TMC5: variants seen among roughly 807,000 people sequenced by gnomAD.
TMC5 encodes transmembrane channel-like protein 5.
TMC5 carries 86 observed loss-of-function variants against 110.5 expected under a neutral mutation model. The ratio of observed to expected loss-of-function variants is 0.78; its 90% confidence interval spans 0.65 to 0.93. The LOEUF is 0.93. TMC5 is among the 40% of genes least tolerant of loss of function. The probability of loss-of-function intolerance (pLI) is 0.00; values close to 1 mark genes in which losing one functional copy is unlikely to be tolerated. For missense variants in TMC5, 1,144 were observed against 1,222.8 expected, an observed-to-expected ratio of 0.94 and a Z score of 0.96; for synonymous variants, 455 against 439.5, an observed-to-expected ratio of 1.04 and a Z score of -0.44.
chr16:19,498,186 G>A lies in TMC5; in HGVS notation c.*220G>A, dbSNP rs1483899004. ...TGATTTTTCAAGACAAAATACTTGG[G>A]GTTTTCCAATAAAGATTGTTGTAAT... On this transcript the variant is annotated 3_prime_UTR_variant, in exon 22 of 22. Coordinates refer to ENST00000542583, the MANE Select transcript of TMC5 (RefSeq NM_001261841.2). 3.7e-6 allele frequency: 2 copies of A among 544,832 alleles called. No individual in the cohort carries two copies. Among genetic ancestry groups the A allele is most frequent in the Non-Finnish European group, 6.5e-6 (2 of 306,804 alleles). The allele number at this position is 544,832 out of a possible 1,614,324, so 33.7% of individuals were successfully genotyped here. A position where few individuals can be genotyped will look rare whatever the true frequency, so the allele number is the denominator to read the frequency against.
chr16:19,452,989 G>A (rs1486808810), intron 5 of TMC5, among the ~76,000 whole-genome samples: 1 of 134,266 alleles, frequency 7.4e-6, no homozygotes, highest in East Asian at 2.2e-4. Context: ...AACCACGGGT[G>A]GGAAAAAATT....
At position 19,481,386 on chromosome 16, in the gene TMC5, C is replaced by T; in HGVS notation, c.2284C>T (p.Leu762=). Residue 762 remains leucine (L), a synonymous_variant, in exon 15 of 22, where the codon CTG becomes TTG. Coordinates refer to ENST00000542583, the MANE Select transcript of TMC5 (RefSeq NM_001261841.2). The part of the protein sequence containing the change: ...EFLRRIIGMQ[L]ITSLGLQEFD... ...TTTTCACAGAATCATTGGGATGCAA[C>T]TGATCACAAGTCTTGGCCTTCAGGA... The T allele has an allele frequency of 6.2e-7, 1 of 1,613,476 alleles. No homozygotes were observed.
Position 19,449,705 on chromosome 16 carries a change from G to A in TMC5, c.1048+74G>A, listed in dbSNP as rs184026106. The A allele has an allele frequency of 4.3e-5, 58 of 1,335,596 alleles. No homozygotes were observed. In the East Asian group the frequency reaches 1.2e-3, roughly 27 times the overall value. The allele number at this position is 1,335,596 out of a possible 1,614,324, so 82.7% of individuals were successfully genotyped here. A position where few individuals can be genotyped will look rare whatever the true frequency, so the allele number is the denominator to read the frequency against. ...ATTGTAATCCCCATGTGTCGGGGGA[G>A]AGACCTGGTGGGAGGTGATTGGATC... On this transcript the variant is annotated intron_variant, in intron 5 of 21. Coordinates refer to ENST00000542583, the MANE Select transcript of TMC5 (RefSeq NM_001261841.2).
At chr16:19,413,941 G>C (rs973285948), upstream of TMC5, among the ~76,000 whole-genome samples, 9 of 152,206 alleles carry the variant, frequency 5.9e-5, no homozygotes, top group South Asian at 2.1e-4. Flanking sequence ...GGGCTGCTGT[G>C]AGGATTAAAT....
Position 19,460,326 on chromosome 16 carries a change from G to A in TMC5, c.1140G>A (p.Arg380=), listed in dbSNP as rs759329582. 14 of 1,612,036 alleles carry A rather than the reference G, an allele frequency of 8.7e-6. No homozygotes were observed. In the South Asian group the frequency reaches 1.2e-4, roughly 14 times the overall value. Residue 380 remains arginine (R), a synonymous_variant, in exon 6 of 22, where the codon AGG becomes AGA. Coordinates refer to ENST00000542583, the MANE Select transcript of TMC5 (RefSeq NM_001261841.2). ...AGCCAAGGACCATGGAAGAGAAAAG[G>A]AACCTTAGGTATGGACTAAAGGCTT... is the stretch of plus-strand genomic sequence containing the variant. ...RNQPRTMEEK[R]NLRKIVDKEK... is the part of the protein sequence containing the mutation.
intron 9 of TMC5, among the ~76,000 whole-genome samples, chr16:19,468,137 G>C (rs980206043): frequency 5.3e-5 from 8 of 151,628 alleles, no homozygotes; most frequent in Admixed American, 1.3e-4. Context: ...AACACACCCA[G>C]CTAATTTTTC....
chr16:19,431,212 A>G (rs953375493), intron 2 of TMC5, among the ~76,000 whole-genome samples: 3 of 152,080 alleles, frequency 2.0e-5, no homozygotes, highest in African/African-American at 4.8e-5. Flanking sequence ...GAGGTTAATC[A>G]TGGGTTTTCA....
intron 1 of TMC5, among the ~76,000 whole-genome samples, chr16:19,418,491 A>G (rs11859455): frequency 0.011 from 1,680 of 152,248 alleles, 29 homozygotes; most frequent in African/African-American, 0.038. Flanking sequence ...CACGCAATAA[A>G]TGTGACCTCT....
rs1968515788 is a variant in TMC5 at position 19,477,434 on chromosome 16, G to A, written c.2091-6G>A. ...GGTAATCATAAATGTTGTCTCTTCT[G>A]TTTAGAAACATCTTTTTGAAAATAT... On this transcript the variant is annotated splice_polypyrimidine_tract_variant and splice_region_variant and intron_variant, in intron 12 of 21. Coordinates refer to ENST00000542583, the MANE Select transcript of TMC5 (RefSeq NM_001261841.2). 6.2e-7 allele frequency: 1 copy of A among 1,604,198 alleles called. No individual in the cohort carries two copies. The highest frequency in any genetic ancestry group is 1.1e-5 in the South Asian group (1 of 90,804).
rs778638378 is a variant in TMC5, at chr16:19,440,365, T to C, written c.327T>C (p.Asp109=). The C allele has an allele frequency of 1.1e-5, 17 of 1,613,832 alleles. No homozygotes were observed. Among genetic ancestry groups the C allele is most frequent in the Non-Finnish European group, 1.3e-5 (15 of 1,179,998 alleles). The change falls in exon 3 of 22, where the codon GAT becomes GAC. Residue 109 remains aspartate, a synonymous_variant. Transcript: ENST00000542583. Reference sequence around the variant, plus strand: ...ATCCTACCTCTCTACCAGAGCCAGATTATAGTGAATTTCAGAGTCATCCCT... The same window carrying C: ...ATCCTACCTCTCTACCAGAGCCAGACTATAGTGAATTTCAGAGTCATCCCT... ...PDHPTSLPEP[D]YSEFQSHPYH... is the part of the protein sequence containing the mutation.
chr16:19,419,484 C>T (rs1309085761), intron 1 of TMC5, among the ~76,000 whole-genome samples: 2 of 130,582 alleles, frequency 1.5e-5, no homozygotes, highest in African/African-American at 2.9e-5. Flanking sequence ...GCGATCTCGG[C>T]GCATTGCAAG....
At chr16:19,419,355 TC>T (rs1266367254) in intron 1 of TMC5, among the ~76,000 whole-genome samples, 1 of 151,442 alleles carries the variant, frequency 6.6e-6, no homozygotes, top group East Asian at 1.9e-4. Context: ...CTAGATTCTT[TC>T]TACACTAGAG....
At chr16:19,457,706 A>ATTTTTTTTTTTTTT (rs1555483103) in intron 5 of TMC5, among the ~76,000 whole-genome samples, 1 of 41,078 alleles carries the variant, frequency 2.4e-5, no homozygotes, top group Non-Finnish European at 8.0e-5. Context: ...CCAAGACTAC[A>ATTTTTTTTTTTTTT]TTCTTTTTTT....
intron 1 of TMC5, among the ~76,000 whole-genome samples, chr16:19,424,275 A>G (rs1481173950): frequency 6.6e-6 from 1 of 152,186 alleles, no homozygotes. Context: ...GGAAATCTTT[A>G]CTTAGGTTTA....
Position 19,487,190 on chromosome 16 carries a change from C to T in TMC5, c.2440-3C>T, listed in dbSNP as rs1351520376. The T allele has an allele frequency of 6.2e-7, 1 of 1,611,288 alleles. No homozygotes were observed. The highest frequency in any genetic ancestry group is 2.2e-5 in the East Asian group (1 of 44,860). ...TGGGAGGTGGCTGCCTCTCTCTCTT[C>T]AGATCAGCCTGATGATGAATTTCCA... is the stretch of plus-strand genomic sequence containing the variant. On this transcript the variant is annotated splice_region_variant and splice_polypyrimidine_tract_variant and intron_variant, in intron 16 of 21. Transcript: ENST00000542583.
chr16:19,495,376 C>A (rs9921185), intron 20 of TMC5, among the ~76,000 whole-genome samples: 2 of 152,046 alleles, frequency 1.3e-5, no homozygotes, highest in East Asian at 3.9e-4. Context: ...CCTGTATCTA[C>A]CAACACTTTA....
At chr16:19,424,954 C>T (rs1967060407) in intron 1 of TMC5, among the ~76,000 whole-genome samples, 1 of 152,174 alleles carries the variant, frequency 6.6e-6, no homozygotes, top group Non-Finnish European at 1.5e-5. Flanking sequence ...CAGCCTCCAT[C>T]CAGGAACCCC....
intron 8 of TMC5, among the ~76,000 whole-genome samples, chr16:19,465,095 TCCTTCCTTCCTTCCTTCCTC>T (rs1406360683): frequency 0.011 from 1,102 of 100,524 alleles, 8 homozygotes; most frequent in South Asian, 0.023. Flanking sequence ...CTTCCTTCCT[TCCTTCCTTCCTTCCTTCCTC>T]CCTCCCTCCC....
intron 3 of TMC5, 91 bp downstream of exon 3, chr16:19,440,917 G>A (rs922248294): frequency 4.6e-6 from 6 of 1,313,168 alleles, no homozygotes; most frequent in Non-Finnish European, 6.3e-6. Flanking sequence ...GTTTAGATTA[G>A]GGATATATAT....
Sources: gnomAD v4.1 joint callset for allele counts (sites outside exome capture counted in the v4.1 genomes callset) on GRCh38, gnomAD v4.1.1 for gene constraint, MANE v1.5 for transcripts, NCBI Gene and HGNC (gene_info 2026-07-23, HGNC 2026-07-21) for gene names.